SSH1: variants seen among roughly 807,000 people sequenced by gnomAD.
SSH1 encodes the protein slingshot protein phosphatase 1.
Under a neutral mutation model 79.7 loss-of-function variants are expected in SSH1, and 43 were observed. The ratio of observed to expected loss-of-function variants is 0.54; its 90% CI spans 0.42 to 0.70. SSH1 has a LOEUF of 0.70. Ranked by LOEUF, SSH1 falls within the 30% of genes least tolerant of loss-of-function variation. The pLI, the probability that SSH1 is intolerant of heterozygous loss-of-function variation, is 0.00. For missense variants in SSH1, 1,206 were observed against 1,358.8 expected, an observed-to-expected ratio of 0.89 and a Z score of 1.77; for synonymous variants, 599 against 538.3, an observed-to-expected ratio of 1.11 and a Z score of -1.56.
rs138286846 is a variant in SSH1, at chr12:108,789,163, C to T, written c.1975G>A (p.Gly659Arg). 602 of 1,612,298 alleles carry T rather than the reference C, an allele frequency of 3.7e-4. 1 individual carries two copies. The Middle Eastern group carries it at 3.8e-3, about 10-fold the overall frequency. Residue 659 changes from glycine to arginine, a missense_variant, in exon 15 of 15, where the codon GGG (glycine) becomes AGG (arginine). Around this residue, in one of 5 missense-constraint regions of SSH1, gnomAD observed 709 missense variants for 730.6 expected, o/e 0.97. Transcript: ENST00000326495. The part of the protein sequence containing the change: ...CADCMYPTAS[G>R]APEASRERCE... The stretch of plus-strand genomic sequence containing the variant: ...CGCTCCCTGGAGGCCTCAGGAGCCC[C>T]GCTGGCTGTAGGGTACATGCAGTCG...
intron 3 of SSH1, among the ~76,000 whole-genome samples, chr12:108,821,393 T>C (rs2038113726): frequency 6.6e-6 from 1 of 151,300 alleles, no homozygotes; most frequent in South Asian, 2.1e-4. Context: ...GATCCGTCTC[T>C]AAAAAAACTT....
At position 108,787,577 on chromosome 12, in the gene SSH1, C is replaced by G; in HGVS notation, c.*411G>C. The G allele has an allele frequency of 9.5e-6, 2 of 209,610 alleles. No homozygotes were observed. Among genetic ancestry groups the G allele is most frequent in the South Asian group, 1.7e-4 (2 of 12,092 alleles). 13.0% of individuals were successfully genotyped at this position (209,610 alleles called of 1,614,324 possible). ...AGAGGTAGGACTTAATGTTGCCATC[C>G]GAGAGTTTTCTGCGAGGCCAAGAAT... is the stretch of plus-strand genomic sequence containing the variant. On this transcript the variant is annotated 3_prime_UTR_variant, in exon 15 of 15. Transcript: ENST00000326495.
chr12:108,789,582 AC>A (rs1336588784), intron 14 of SSH1, among the ~76,000 whole-genome samples: 1 of 152,134 alleles, frequency 6.6e-6, no homozygotes, highest in Non-Finnish European at 1.5e-5. Flanking sequence ...ACTGACAGGT[AC>A]CCAGTGGTCC....
rs1033687162 is a variant in SSH1 at position 108,782,004 on chromosome 12, A to G, written c.*5984T>C. On this transcript the variant is annotated 3_prime_UTR_variant, in exon 15 of 15. Transcript: ENST00000326495. The stretch of plus-strand genomic sequence containing the variant: ...GTGGTGCACGCCTGTAGTCCCAGCT[A>G]CTGGGGAGGCTGAGGTGGGAGGATT... 2.6e-5 allele frequency: 4 copies of G among 151,956 alleles called. No individual in the cohort carries two copies. The highest frequency in any genetic ancestry group is 9.7e-5 in the African/African-American group (4 of 41,354). 9.4% of individuals were successfully genotyped at this position (151,956 alleles called of 1,614,324 possible).
At chr12:108,837,338 G>C (rs1368457727) in intron 2 of SSH1, among the ~76,000 whole-genome samples, 1 of 152,210 alleles carries the variant, frequency 6.6e-6, no homozygotes, top group Non-Finnish European at 1.5e-5. Context: ...AGATGCAATG[G>C]GCAGTCCTGA....
intron 13 of SSH1, among the ~76,000 whole-genome samples, chr12:108,795,201 T>C (rs796765887): frequency 1.2e-4 from 19 of 152,310 alleles, no homozygotes; most frequent in African/African-American, 4.1e-4. Flanking sequence ...TTTGGCTTGA[T>C]TGACAGATAG....
At chr12:108,837,154 C>A in intron 2 of SSH1, 1 of 332,476 alleles carries the variant, frequency 3.0e-6, no homozygotes. Flanking sequence ...ATCGCTTGAA[C>A]CCGGGAGGTG....
At chr12:108,794,930 A>G (rs958639703) in intron 13 of SSH1, among the ~76,000 whole-genome samples, 1 of 152,176 alleles carries the variant, frequency 6.6e-6, no homozygotes, top group African/African-American at 2.4e-5. Flanking sequence ...ACACAAATGC[A>G]TATCTGATTG....
At position 108,852,639 on chromosome 12, in the gene SSH1, T is replaced by C. The variant is rs758482647; in HGVS notation, c.109A>G (p.Ser37Gly). ...GSEEDRKLNL[S>G]LSESFFMVKG... ...AACAAGAATTGAAAGTCTGCTTACC[T>C]GAGGTTTAATTTTCGATCTTCTTCG... Residue 37 changes from serine (S) to glycine (G), a missense_variant and splice_region_variant, in exon 2 of 15, where the codon AGC becomes GGC. This residue lies in a region of SSH1 where 100 missense variants were observed against 82.3 expected (regional missense o/e 1.21). Coordinates refer to ENST00000326495, the MANE Select transcript of SSH1 (RefSeq NM_018984.4). The C allele has an allele frequency of 1.9e-6, 3 of 1,614,172 alleles. No homozygotes were observed. Among genetic ancestry groups the C allele is most frequent in the South Asian group, 2.2e-5 (2 of 91,088 alleles).
intron 2 of SSH1, among the ~76,000 whole-genome samples, chr12:108,848,237 G>A (rs1161892814): frequency 2.0e-5 from 3 of 152,130 alleles, no homozygotes; most frequent in Non-Finnish European, 4.4e-5. Flanking sequence ...CTGAAGAGGC[G>A]CCACCAGGGA....
intron 3 of SSH1, among the ~76,000 whole-genome samples, chr12:108,820,533 A>T (rs2038077977): frequency 6.6e-6 from 1 of 152,232 alleles, no homozygotes; most frequent in Admixed American, 6.5e-5. Flanking sequence ...TTCCACACAG[A>T]TAAACTTCTT....
At chr12:108,854,016 C>T (rs908851309) in intron 1 of SSH1, among the ~76,000 whole-genome samples, 2 of 152,042 alleles carry the variant, frequency 1.3e-5, no homozygotes, top group African/African-American at 4.8e-5. Context: ...GCACCTACCC[C>T]ACACTGAAGG....
intron 10 of SSH1, among the ~76,000 whole-genome samples, chr12:108,803,223 C>T (rs1593038036): frequency 2.0e-5 from 3 of 152,242 alleles, no homozygotes; most frequent in South Asian, 4.1e-4. Context: ...TCTGGATTTG[C>T]GAGATCGGGA....
In SSH1 at chr12:108,788,061, G is replaced by C. The variant is rs762968513; in HGVS notation, c.3077C>G (p.Ala1026Gly). The C allele has an allele frequency of 9.3e-6, 15 of 1,614,044 alleles. No individual in the cohort carries two copies. The African/African-American group carries it at 2.0e-4, about 22-fold the overall frequency. The change falls in exon 15 of 15, where the codon GCT (alanine) becomes GGT (glycine). Residue 1026 changes from alanine (A) to glycine (G), a missense_variant. Coordinates refer to ENST00000326495, the MANE Select transcript of SSH1 (RefSeq NM_018984.4). ...TTTCCCTGATGGTTTGGAGGTTGCA[G>C]CTGGGTCCCTCGGGGTTCCCTGGGG... The part of the protein sequence containing the change: ...HEPQGTPRDP[A>G]ATSKPSGKPA...
intron 1 of SSH1, among the ~76,000 whole-genome samples, chr12:108,856,291 A>G (rs564973229): frequency 6.6e-6 from 1 of 152,382 alleles, no homozygotes; most frequent in Non-Finnish European, 1.5e-5. Context: ...TGACCTGCTC[A>G]GAGGCCCAAG....
At chr12:108,794,370 A>G (rs1032051293) in intron 13 of SSH1, among the ~76,000 whole-genome samples, 25 of 152,150 alleles carry the variant, frequency 1.6e-4, no homozygotes, top group Admixed American at 1.2e-3. Context: ...CAGCACCCTG[A>G]CTCAGAGGCT....
At position 108,788,523 on chromosome 12, in the gene SSH1, A is replaced by T; in HGVS notation, c.2615T>A (p.Val872Asp). Residue 872 changes from valine (V) to aspartate (D), a missense_variant, in exon 15 of 15, where the codon GTT becomes GAT. Physicochemically the swap from Val to Asp is radical, Grantham distance 152. Transcript: ENST00000326495. The stretch of plus-strand genomic sequence containing the variant: ...ATCACTCCCGGCCTGGCTGGGCATA[A>T]CCAGGGGGCCCAGCTCGTGGAGCGC... ...PAALHELGPL[V>D]MPSQAGSDEK... 6.4e-7 allele frequency: 1 copy of T among 1,562,958 alleles called. No individual in the cohort carries two copies. The highest frequency in any genetic ancestry group is 2.3e-5 in the East Asian group (1 of 44,432).
Position 108,857,505 on chromosome 12 carries a change from C to T in SSH1, c.-9G>A, listed in dbSNP as rs2039169085. On this transcript the variant is annotated 5_prime_UTR_variant, in exon 1 of 15. Transcript: ENST00000326495. This position sits in a 1 kb window ranked among gnomAD's most constrained non-coding sequence, Gnocchi z 4.7. ...AGGGTCACCAGGGCCATGGCTGCGG[C>T]GCGGTGCGAGGGCGCCACAGACGTC... 1 of 1,131,680 alleles carries T rather than the reference C, an allele frequency of 8.8e-7. No homozygotes were observed. Among genetic ancestry groups the T allele is most frequent in the South Asian group, 1.8e-5 (1 of 56,720 alleles). 70.1% of individuals were successfully genotyped at this position (1,131,680 alleles called of 1,614,324 possible). A position where few individuals can be genotyped will look rare whatever the true frequency, so the allele number is the denominator to read the frequency against.
chr12:108,788,905 T>C lies in SSH1; in HGVS notation c.2233A>G (p.Arg745Gly). The change falls in exon 15 of 15, where the codon AGA (arginine) becomes GGA (glycine). Residue 745 changes from arginine (R) to glycine (G), a missense_variant. Coordinates refer to ENST00000326495, the MANE Select transcript of SSH1 (RefSeq NM_018984.4). ...TTTGGCAGGACTTTTGGGGTCTCTC[T>C]GGAAGGTTCCAAAAGGCTGGCTGGT... ...EPPASLLEPS[R>G]ETPKVLPKSL... 1.9e-6 allele frequency: 3 copies of C among 1,614,226 alleles called. No individual in the cohort carries two copies. Among genetic ancestry groups the C allele is most frequent in the South Asian group, 2.2e-5 (2 of 91,084 alleles).
Sources: allele counts gnomAD v4.1 joint callset (sites outside exome capture counted in the v4.1 genomes callset), GRCh38; gene constraint gnomAD v4.1.1; regional missense constraint gnomAD v4.1.1; non-coding constraint Gnocchi (gnomAD v3.1); transcripts MANE v1.5; gene names NCBI Gene and HGNC (gene_info 2026-07-23, HGNC 2026-07-21).